Variants in RPSA2 observed in about 807,000 individuals in gnomAD.
RPSA2 encodes small ribosomal subunit protein uS2B.
At chr19:23,791,120 T>C in the RPSA2 span, among the ~76,000 whole-genome samples, 15 of 152,108 alleles carry the variant, frequency 9.9e-5, no homozygotes, top group Non-Finnish European at 2.1e-4. Flanking sequence ...AATGTATGGG[T>C]GTCACAATGA....
chr19:23,758,871 G>C, the RPSA2 span: 36 of 1,402,424 alleles, frequency 2.6e-5, no homozygotes, highest in Non-Finnish European at 3.6e-5. Flanking sequence ...GAGACCCGGA[G>C]CTCGGGCTGA....
At chr19:23,807,100 T>C in the RPSA2 span, among the ~76,000 whole-genome samples, 1 of 152,168 alleles carries the variant, frequency 6.6e-6, no homozygotes, top group African/African-American at 2.4e-5. Context: ...TAGAGGTTTT[T>C]TTTCCTCTTC....
At chr19:23,791,035 C>T in the RPSA2 span, among the ~76,000 whole-genome samples, 3 of 152,188 alleles carry the variant, frequency 2.0e-5, no homozygotes, top group Non-Finnish European at 2.9e-5. Flanking sequence ...GCACCAGTAG[C>T]GCCACATCTC....
At chr19:23,832,817 G>C in the RPSA2 span, 1 of 1,577,826 alleles carries the variant, frequency 6.3e-7, no homozygotes, top group Middle Eastern at 1.7e-4. Flanking sequence ...TGTGAAGAAT[G>C]TGGCAAAGCT....
At chr19:23,800,413 C>T in the RPSA2 span, among the ~76,000 whole-genome samples, 3 of 151,924 alleles carry the variant, frequency 2.0e-5, no homozygotes, top group East Asian at 3.9e-4. Context: ...CTAGAATTAC[C>T]GGACATAATA....
the RPSA2 span, among the ~76,000 whole-genome samples, chr19:23,850,288 CAG>C: frequency 7.0e-6 from 1 of 143,464 alleles, no homozygotes. Flanking sequence ...ATTGGTGAGA[CAG>C]AAAGTATAAG....
At chr19:23,790,430 G>A in the RPSA2 span, among the ~76,000 whole-genome samples, 3 of 152,138 alleles carry the variant, frequency 2.0e-5, no homozygotes, top group Admixed American at 1.3e-4. Flanking sequence ...GCTCAGTTCA[G>A]GGAGGAAGTC....
the RPSA2 span, among the ~76,000 whole-genome samples, chr19:23,813,715 A>G: frequency 0.062 from 8,344 of 134,532 alleles, 267 homozygotes; most frequent in African/African-American, 0.074. Context: ...TTCTACTGAC[A>G]ATCAACACGG....
the RPSA2 span, among the ~76,000 whole-genome samples, chr19:23,760,068 T>G: frequency 2.6e-5 from 4 of 152,146 alleles, no homozygotes; most frequent in African/African-American, 9.7e-5. Flanking sequence ...GCCAATACCC[T>G]GTGAGGGGAG....
At chr19:23,790,746 C>T in the RPSA2 span, 453,450 of 457,400 alleles carry the variant, frequency 0.99, 224,902 homozygotes, top group East Asian at 1. Flanking sequence ...ACAGCAAAGA[C>T]GCCAGGACCC....
At chr19:23,862,992 C>T in the RPSA2 span, among the ~76,000 whole-genome samples, 1 of 151,630 alleles carries the variant, frequency 6.6e-6, no homozygotes, top group Admixed American at 6.6e-5. Flanking sequence ...CAGCCTCCAC[C>T]TCCCAATGAA....
the RPSA2 span, among the ~76,000 whole-genome samples, chr19:23,865,388 T>G: frequency 1.3e-5 from 2 of 152,176 alleles, no homozygotes; most frequent in Non-Finnish European, 2.9e-5. Flanking sequence ...GCCCTCTTGA[T>G]GTGGAAAATT....
chr19:23,777,642 T>C, the RPSA2 span, among the ~76,000 whole-genome samples: 2 of 152,116 alleles, frequency 1.3e-5, no homozygotes, highest in African/African-American at 4.8e-5. Context: ...GACTTTCCTC[T>C]TCTGCCTGCA....
chr19:23,832,132 CTT>C, the RPSA2 span: 2 of 425,126 alleles, frequency 4.7e-6, no homozygotes, highest in East Asian at 6.5e-5. Flanking sequence ...TGAAGAAAAA[CTT>C]TACAGATGTG....
At chr19:23,764,092 T>C in the RPSA2 span, among the ~76,000 whole-genome samples, 1 of 152,128 alleles carries the variant, frequency 6.6e-6, no homozygotes, top group Non-Finnish European at 1.5e-5. Flanking sequence ...AGATATAAAC[T>C]CGAGTTAGGT....
At chr19:23,780,368 G>C in the RPSA2 span, among the ~76,000 whole-genome samples, 14 of 152,274 alleles carry the variant, frequency 9.2e-5, no homozygotes, top group African/African-American at 3.4e-4. Context: ...TATCGGCCGG[G>C]CGCGGTGGCT....
the RPSA2 span, among the ~76,000 whole-genome samples, chr19:23,809,833 T>C: frequency 6.6e-6 from 1 of 152,206 alleles, no homozygotes; most frequent in South Asian, 2.1e-4. Context: ...CTTTTGACTA[T>C]TTCTTCATCC....
the RPSA2 span, chr19:23,763,021 TC>T: frequency 3.9e-5 from 6 of 152,566 alleles, no homozygotes; most frequent in East Asian, 1.9e-4. Context: ...GGGATCGGTC[TC>T]TTCTGTTCCG....
the RPSA2 span, among the ~76,000 whole-genome samples, chr19:23,811,552 A>G: frequency 6.6e-6 from 1 of 152,034 alleles, no homozygotes; most frequent in African/African-American, 2.4e-5. Context: ...CACTCTCCAT[A>G]TAAATTTTTA....
Sources: gnomAD v4.1 joint callset for allele counts (sites outside exome capture counted in the v4.1 genomes callset) on GRCh38, gnomAD v4.1.1 for gene constraint, MANE v1.5 for transcripts, NCBI Gene and HGNC (gene_info 2026-07-23, HGNC 2026-07-21) for gene names.